The following LAYN variants were observed in gnomAD, a reference collection of about 807,000 sequenced individuals.
The protein encoded by LAYN is layilin.
A neutral mutation model predicts 43.6 loss-of-function variants in LAYN; 38 were observed. That is an observed-to-expected ratio of 0.87 (90% CI 0.67 to 1.14). The LOEUF (loss-of-function observed/expected upper bound fraction) is 1.14. Ranked by LOEUF, LAYN falls within the 50% of genes most tolerant of loss-of-function variation. The pLI is 0.00. For missense variants in LAYN, 479 were observed against 463.8 expected (o/e 1.03, Z -0.30); for synonymous variants, 168 against 172.9 (o/e 0.97, Z 0.22).
In LAYN at chr11:111,555,386, C is replaced by G. The variant is rs74445621; in HGVS notation, c.658+96C>G. On this transcript the variant is annotated intron_variant, in intron 5 of 6. Coordinates refer to ENST00000375614, the MANE Select transcript of LAYN (RefSeq NM_178834.5). Reference sequence around the variant, plus strand: ...TTCCCTACTTTGTTCTTTCCCACAGCTACCTAAAAATAGAACTAGACAGGG... The same window carrying G: ...TTCCCTACTTTGTTCTTTCCCACAGGTACCTAAAAATAGAACTAGACAGGG... The G allele has an allele frequency of 3.3e-3, 2,887 of 863,750 alleles. 57 individuals are homozygous for G. The African/African-American group carries it at 0.038, about 11-fold the overall frequency. 53.5% of individuals were successfully genotyped at this position (863,750 alleles called of 1,614,324 possible). A position where few individuals can be genotyped will look rare whatever the true frequency, so the allele number is the denominator to read the frequency against.
chr11:111,559,434 G>GTTTGA (rs1555018671), intron 6 of LAYN, among the ~76,000 whole-genome samples: 1 of 151,446 alleles, frequency 6.6e-6, no homozygotes, highest in Non-Finnish European at 1.5e-5. Flanking sequence ...TGTTGTTTTG[G>GTTTGA]TTTTATTTTA....
chr11:111,559,961 C>A, intron 6 of LAYN, 134 bp from the exon 7 acceptor site: 1 of 1,005,458 alleles, frequency 9.9e-7, no homozygotes, highest in Non-Finnish European at 1.5e-6. Flanking sequence ...GAAGCCCTGG[C>A]CTGTAAGTTA....
At chr11:111,557,319 G>T (rs574289720) in intron 5 of LAYN, among the ~76,000 whole-genome samples, 1 of 152,302 alleles carries the variant, frequency 6.6e-6, no homozygotes, top group East Asian at 1.9e-4. Flanking sequence ...AAGACTCTTT[G>T]CTAACTGGCT....
In LAYN at chr11:111,544,214, A is replaced by G. The variant is rs1867605865; in HGVS notation, c.377A>G (p.Gln126Arg). ...GCTTGGACTGATGGCAGCATATCAC[A>G]ATTTAGGTAAGTGTGTGGAACCCAC... is the stretch of plus-strand genomic sequence containing the variant. ...LYAWTDGSISQFRNWYVDEPS... is the reference protein window; with the variant it reads ...LYAWTDGSISRFRNWYVDEPS... Residue 126 changes from glutamine (Q) to arginine (R), a missense_variant, in exon 2 of 7, where the codon CAA becomes CGA. Coordinates refer to ENST00000375614, the MANE Select transcript of LAYN (RefSeq NM_178834.5). 6.2e-7 allele frequency: 1 copy of G among 1,611,476 alleles called. No individual in the cohort carries two copies.
chr11:111,556,987 A>G (rs1867858093), intron 5 of LAYN, among the ~76,000 whole-genome samples: 1 of 152,174 alleles, frequency 6.6e-6, no homozygotes. Context: ...TTACACTGTA[A>G]TTTACTTGCT....
At chr11:111,544,486 G>T (rs73555147) in intron 2 of LAYN, among the ~76,000 whole-genome samples, 3,275 of 152,334 alleles carry the variant, frequency 0.021, 133 homozygotes, top group African/African-American at 0.074. Context: ...CTTGAAGCCA[G>T]TTGTTCTGGC....
At chr11:111,548,799 G>T (rs918421830) in intron 2 of LAYN, among the ~76,000 whole-genome samples, 2 of 152,156 alleles carry the variant, frequency 1.3e-5, no homozygotes, top group African/African-American at 4.8e-5. Context: ...AACCAGGGAG[G>T]TTACAAAGCC....
At position 111,554,575 on chromosome 11, in the gene LAYN, C is replaced by T; in HGVS notation, c.556C>T (p.Pro186Ser). 1.9e-6 allele frequency: 3 copies of T among 1,612,896 alleles called. No homozygotes were observed. The highest frequency in any genetic ancestry group is 2.2e-5 in the East Asian group (1 of 44,860). ...CKYSDEKPAV[P>S]SREAEGEETE... ...TTCTACTACAGAGAAACCAGCAGTT[C>T]CTTCTAGAGAAGCTGAAGGTAAGCC... Residue 186 changes from proline to serine, a missense_variant, in exon 4 of 7, where the codon CCT becomes TCT. By Grantham distance (74) the Pro-to-Ser change is moderately conservative. Coordinates refer to ENST00000375614, the MANE Select transcript of LAYN (RefSeq NM_178834.5).
Position 111,560,510 on chromosome 11 carries a change from A to C in LAYN, c.*52A>C. ...CAATGGAAAAGAAATGATAAGCAAA[A>C]TCCTCTTATTTTCTATAAGGAAAAT... is the stretch of plus-strand genomic sequence containing the variant. On this transcript the variant is annotated 3_prime_UTR_variant, in exon 7 of 7. Coordinates refer to ENST00000375614, the MANE Select transcript of LAYN (RefSeq NM_178834.5). The C allele has an allele frequency of 1.5e-5, 23 of 1,522,288 alleles. No individual in the cohort carries two copies. The highest frequency in any genetic ancestry group is 2.5e-5 in the South Asian group (2 of 79,322). 94.3% of individuals were successfully genotyped at this position (1,522,288 alleles called of 1,614,324 possible). A position where few individuals can be genotyped will look rare whatever the true frequency, so the allele number is the denominator to read the frequency against.
chr11:111,560,422 G>A lies in LAYN; in HGVS notation c.1089G>A (p.Glu363=), dbSNP rs1303854232. 1 of 1,613,946 alleles carries A rather than the reference G, an allele frequency of 6.2e-7. No individual in the cohort carries two copies. The highest frequency in any genetic ancestry group is 1.1e-5 in the South Asian group (1 of 91,044). ...CAGACCAAATGGGGAGGAGTAAGGA[G>A]TCTGGATGGGTGGAAAATGAAATAT... ...FSPDQMGRSK[E]SGWVENEIYG... is the part of the protein sequence containing the mutation. Residue 363 remains glutamate (E), a synonymous_variant, in exon 7 of 7, where the codon GAG becomes GAA. Coordinates refer to ENST00000375614, the MANE Select transcript of LAYN (RefSeq NM_178834.5).
chr11:111,553,715 TACACACACACACACACACACAC>T (rs60878342), intron 3 of LAYN, among the ~76,000 whole-genome samples: 1 of 140,398 alleles, frequency 7.1e-6, no homozygotes, highest in Non-Finnish European at 1.5e-5. Context: ...ACATCACCTA[TACACACACACACACACACACAC>T]ACACACACAC....
upstream of LAYN, chr11:111,540,665 G>A: frequency 1.8e-6 from 1 of 566,192 alleles, no homozygotes; most frequent in East Asian, 3.5e-5. Context: ...TCGCAGTGAC[G>A]TCCCAGGGGG....
chr11:111,541,640 A>C, intron 1 of LAYN: 1 of 1,492,324 alleles, frequency 6.7e-7, no homozygotes, highest in Non-Finnish European at 9.0e-7. Flanking sequence ...CGGGGGGAGA[A>C]CATCCGTGCC....
chr11:111,544,101 C>T lies in LAYN; in HGVS notation c.264C>T (p.Asn88=), dbSNP rs1302156565. The T allele has an allele frequency of 3.1e-6, 5 of 1,614,218 alleles. No homozygotes were observed. The highest frequency in any genetic ancestry group is 1.6e-4 in the Middle Eastern group (1 of 6,062). Residue 88 remains asparagine (N), a synonymous_variant, in exon 2 of 7, where the codon AAC becomes AAT. Transcript: ENST00000375614. ...EQKLIEKFIE[N]LLPSDGDFWI... is the part of the protein sequence containing the mutation. ...AACTGATAGAAAAGTTCATTGAAAA[C>T]CTCTTGCCATCTGATGGTGACTTCT...
At position 111,560,448 on chromosome 11, in the gene LAYN, A is replaced by C; in HGVS notation, c.1115A>C (p.Tyr372Ser). The C allele has an allele frequency of 6.2e-7, 1 of 1,613,112 alleles. No individual in the cohort carries two copies. Among genetic ancestry groups the C allele is most frequent in the Non-Finnish European group, 8.5e-7 (1 of 1,179,404 alleles). Reference protein sequence around the residue: ...KESGWVENEIYGY With the variant: ...KESGWVENEISGY ...TCTGGATGGGTGGAAAATGAAATAT[A>C]TGGTTATTAGGACATATAAAAAACT... The change falls in exon 7 of 7, where the codon TAT becomes TCT. Residue 372 changes from tyrosine (Y) to serine (S), a missense_variant. Tyr to Ser is a moderately radical substitution (Grantham distance 144). Transcript: ENST00000375614.
In LAYN at chr11:111,554,226, A is replaced by G. The variant is rs1466203831; in HGVS notation, c.542-335A>G. ...TTATTGTTGAAACTAGATGAGCTGT[A>G]CATTGATAGGAGTTGAAGCTGCATG... On this transcript the variant is annotated intron_variant, in intron 3 of 6. Coordinates refer to ENST00000375614, the MANE Select transcript of LAYN (RefSeq NM_178834.5). 5.3e-5 allele frequency among the ~76,000 whole-genome samples: 8 copies of G among 152,226 alleles called. No homozygotes were observed. In the East Asian group the frequency reaches 1.5e-3, roughly 29 times the overall value.
At chr11:111,554,523 T>G (rs201129226) in intron 3 of LAYN, 38 bp from the exon 4 acceptor site, 9 of 1,542,818 alleles carry the variant, frequency 5.8e-6, no homozygotes, top group Non-Finnish European at 6.3e-6. Context: ...CCATAAAAAC[T>G]TACTACTTAT....
intron 3 of LAYN, among the ~76,000 whole-genome samples, chr11:111,551,140 G>A (rs1371127426): frequency 1.3e-5 from 2 of 152,198 alleles, no homozygotes; most frequent in African/African-American, 4.8e-5. Context: ...GGAATAAAAG[G>A]AGGGAATGGT....
At chr11:111,553,274 T>C (rs1472435089) in intron 3 of LAYN, among the ~76,000 whole-genome samples, 1 of 151,334 alleles carries the variant, frequency 6.6e-6, no homozygotes. Flanking sequence ...TAAACAACAA[T>C]AATAATAAGG....
Sources: allele counts gnomAD v4.1 joint callset (sites outside exome capture counted in the v4.1 genomes callset), GRCh38; gene constraint gnomAD v4.1.1; transcripts MANE v1.5; gene names NCBI Gene and HGNC (gene_info 2026-07-23, HGNC 2026-07-21).